The following L3MBTL4 variants were observed in gnomAD, a reference collection of about 807,000 sequenced individuals.
L3MBTL4 encodes L3MBTL histone methyl-lysine binding protein 4.
Under a neutral mutation model 84.5 loss-of-function variants are expected in L3MBTL4, and 70 were observed. The ratio of observed to expected loss-of-function variants is 0.83; its 90% CI spans 0.68 to 1.01. The LOEUF is 1.01. Among genes scored for constraint, L3MBTL4 ranks in the 50% least tolerant of loss-of-function variants. L3MBTL4 has a pLI of 0.00. For synonymous variants in L3MBTL4, 274 were observed against 259.8 expected, an observed-to-expected ratio of 1.05 and a Z score of -0.52; for missense variants, 715 against 754.8, an observed-to-expected ratio of 0.95 and a Z score of 0.62.
rs535689372 is a variant in L3MBTL4, at chr18:6,188,643, AG to A, written c.982-16702del. On this transcript the variant is annotated intron_variant, in intron 12 of 18. Coordinates refer to ENST00000317931, the MANE Select transcript of L3MBTL4 (RefSeq NM_001330559.2). Reference sequence around the variant, plus strand: ...AGGAGCTGAAGATCAAACCTGACACAGGGGGATGGACTTTGACAGAGGAAGA... The same window carrying A: ...AGGAGCTGAAGATCAAACCTGACACAGGGGATGGACTTTGACAGAGGAAGA... Among the ~76,000 whole-genome samples the A allele has an allele frequency of 1.4e-3, 213 of 152,308 alleles. 1 individual carries two copies. Among genetic ancestry groups the A allele is most frequent in the African/African-American group, 4.9e-3 (202 of 41,568 alleles).
intron 15 of L3MBTL4, among the ~76,000 whole-genome samples, chr18:6,088,149 T>G (rs767408079): frequency 6.6e-6 from 1 of 152,222 alleles, no homozygotes; most frequent in Non-Finnish European, 1.5e-5. Flanking sequence ...TGCTGATATG[T>G]GGTGTGGACC....
At chr18:6,029,551 C>A in intron 16 of L3MBTL4, 1 of 985,310 alleles carries the variant, frequency 1.0e-6, no homozygotes, top group Middle Eastern at 5.2e-4. Flanking sequence ...GAAATACGTC[C>A]ATTTATTGCA....
intron 1 of L3MBTL4, among the ~76,000 whole-genome samples, chr18:6,406,882 GCTGGCCTACAGCTACT>G (rs2055759253): frequency 6.6e-6 from 1 of 152,206 alleles, no homozygotes; most frequent in South Asian, 2.1e-4. Context: ...ATAAGCCATA[GCTGGCCTACAGCTACT>G]CTGGGCTGAA....
intron 4 of L3MBTL4, among the ~76,000 whole-genome samples, chr18:6,292,977 C>T (rs1031811471): frequency 6.6e-5 from 10 of 152,152 alleles, no homozygotes; most frequent in Non-Finnish European, 1.0e-4. Context: ...AAAGCAATAC[C>T]TAACTTTCCT....
intron 5 of L3MBTL4, among the ~76,000 whole-genome samples, chr18:6,247,167 C>T (rs757514874): frequency 1.3e-5 from 2 of 152,090 alleles, no homozygotes; most frequent in African/African-American, 2.4e-5. Context: ...GTGTATTTTC[C>T]CTAAGAATAG....
intron 12 of L3MBTL4, among the ~76,000 whole-genome samples, chr18:6,211,967 T>G (rs1047070392): frequency 2.0e-5 from 3 of 152,188 alleles, no homozygotes; most frequent in African/African-American, 7.2e-5. Context: ...AAATGAAAGT[T>G]AATAATAAAA....
intron 1 of L3MBTL4, among the ~76,000 whole-genome samples, chr18:6,333,219 T>C (rs900121969): frequency 6.6e-6 from 1 of 151,858 alleles, no homozygotes; most frequent in Non-Finnish European, 1.5e-5. Context: ...ATAATGATAA[T>C]GAATGGGTTT....
chr18:6,393,171 A>G (rs570874049), intron 1 of L3MBTL4, among the ~76,000 whole-genome samples: 12 of 152,246 alleles, frequency 7.9e-5, no homozygotes, highest in Non-Finnish European at 1.8e-4. Flanking sequence ...GCCAAATGTA[A>G]TCACACATTA....
intron 12 of L3MBTL4, among the ~76,000 whole-genome samples, chr18:6,197,491 A>G (rs1387059215): frequency 1.3e-5 from 2 of 151,900 alleles, no homozygotes; most frequent in African/African-American, 4.8e-5. Flanking sequence ...TATGTACCAC[A>G]TTTTCTTTTT....
intron 5 of L3MBTL4, among the ~76,000 whole-genome samples, chr18:6,254,670 G>C (rs1167472648): frequency 6.6e-6 from 1 of 152,098 alleles, no homozygotes; most frequent in African/African-American, 2.4e-5. Context: ...TAGAGAAACA[G>C]AACTCAGGGC....
In L3MBTL4 at chr18:6,383,243, G is replaced by A. The variant is rs547292201; in HGVS notation, c.-91+31558C>T. 3.9e-5 allele frequency among the ~76,000 whole-genome samples: 6 copies of A among 152,092 alleles called. No individual in the cohort carries two copies. The South Asian group carries it at 1.0e-3, about 26-fold the overall frequency. On this transcript the variant is annotated intron_variant, in intron 1 of 18. Coordinates refer to ENST00000317931, the MANE Select transcript of L3MBTL4 (RefSeq NM_001330559.2). ...TCAACCCACTGGATCTTAGTTTGCTGGGCTCCGTGGGGGTAGGACCTGCTG... is the reference window on the plus strand; with the variant it reads ...TCAACCCACTGGATCTTAGTTTGCTAGGCTCCGTGGGGGTAGGACCTGCTG...
chr18:6,220,466 C>T (rs762722657), intron 10 of L3MBTL4, among the ~76,000 whole-genome samples: 1 of 152,154 alleles, frequency 6.6e-6, no homozygotes, highest in African/African-American at 2.4e-5. Context: ...TCAAATGCCA[C>T]TCAACTGTCA....
At chr18:6,129,399 T>TGG (rs1323343658) in intron 14 of L3MBTL4, among the ~76,000 whole-genome samples, 1 of 151,976 alleles carries the variant, frequency 6.6e-6, no homozygotes, top group Non-Finnish European at 1.5e-5. Flanking sequence ...TGTGTGTGTG[T>TGG]GTGTGTGTGT....
chr18:6,283,665 G>A (rs186808590), intron 4 of L3MBTL4, among the ~76,000 whole-genome samples: 1 of 152,218 alleles, frequency 6.6e-6, no homozygotes, highest in Admixed American at 6.5e-5. Flanking sequence ...TCTCCCTAGA[G>A]TCAAACACAT....
intron 1 of L3MBTL4, among the ~76,000 whole-genome samples, chr18:6,336,182 T>C (rs1203405727): frequency 1.3e-5 from 2 of 151,906 alleles, no homozygotes; most frequent in African/African-American, 4.8e-5. Context: ...CATAAAATAC[T>C]AAACTAATAA....
intron 13 of L3MBTL4, among the ~76,000 whole-genome samples, chr18:6,168,609 A>T (rs556472253): frequency 3.9e-5 from 6 of 152,326 alleles, no homozygotes; most frequent in African/African-American, 1.4e-4. Flanking sequence ...GGTGCTGGGA[A>T]AACTGGCTAG....
Position 6,295,346 on chromosome 18 carries a change from C to CTCTCTCTA in L3MBTL4, c.127+6556_127+6557insTAGAGAGA, listed in dbSNP as rs1261475809. 1.3e-3 allele frequency among the ~76,000 whole-genome samples: 103 copies of CTCTCTCTA among 81,368 alleles called. 1 individual carries two copies. The highest frequency in any genetic ancestry group is 2.3e-3 in the South Asian group (5 of 2,198). The allele number at this position is 81,368 out of a possible 152,430, so 53.4% of individuals were successfully genotyped here. On this transcript the variant is annotated intron_variant, in intron 4 of 18. Transcript: ENST00000317931. ...TCTCTCTCTCTCTCTCTCTCTCTCTCTATATATATATATATATATATATAT... is the reference window on the plus strand; with the variant it reads ...TCTCTCTCTCTCTCTCTCTCTCTCTCTCTCTCTATATATATATATATATATATATATAT...
At chr18:6,032,238 A>G in intron 16 of L3MBTL4, 1 of 766,670 alleles carries the variant, frequency 1.3e-6, no homozygotes, top group Non-Finnish European at 1.6e-6. Context: ...CGGCCTCCCA[A>G]AGTGCTGGGA....
intron 16 of L3MBTL4, among the ~76,000 whole-genome samples, chr18:5,989,400 A>T (rs1284557192): frequency 7.1e-6 from 1 of 141,574 alleles, no homozygotes; most frequent in African/African-American, 3.0e-5. Context: ...GGAAAGTTTT[A>T]TTTTTTAAAC....
Sources: allele counts gnomAD v4.1 joint callset (sites outside exome capture counted in the v4.1 genomes callset), GRCh38; gene constraint gnomAD v4.1.1; transcripts MANE v1.5; gene names NCBI Gene and HGNC (gene_info 2026-07-23, HGNC 2026-07-21).